The following BMP5 variants were observed in gnomAD, a reference collection of about 807,000 sequenced individuals.
BMP5 encodes the protein bone morphogenetic protein 5.
A neutral mutation model predicts 46.6 loss-of-function variants in BMP5; 23 were observed. That is an observed-to-expected ratio of 0.49 (90% CI 0.35 to 0.70). The LOEUF is 0.70. Ranked by LOEUF, BMP5 falls within the 30% of genes least tolerant of loss-of-function variation. The probability of loss-of-function intolerance (pLI) is 0.00; values close to 1 mark genes in which losing one functional copy is unlikely to be tolerated. For missense variants in BMP5, 545 were observed against 565.6 expected (o/e 0.96, Z 0.37); for synonymous variants, 204 against 191.9 (o/e 1.06, Z -0.52).
intron 4 of BMP5, among the ~76,000 whole-genome samples, chr6:55,773,208 T>A (rs1361413327): frequency 6.6e-6 from 1 of 151,954 alleles, no homozygotes; most frequent in African/African-American, 2.4e-5. Flanking sequence ...AATAGATAAG[T>A]ATGTGATACT....
chr6:55,826,738 TTAA>T (rs1349125384), intron 1 of BMP5, among the ~76,000 whole-genome samples: 1 of 150,552 alleles, frequency 6.6e-6, no homozygotes, highest in Non-Finnish European at 1.5e-5. Context: ...AATGAAGGAG[TTAA>T]TATAATTAAT....
At chr6:55,783,689 A>G (rs575647097) in intron 3 of BMP5, among the ~76,000 whole-genome samples, 194 of 152,130 alleles carry the variant, frequency 1.3e-3, no homozygotes, top group African/African-American at 4.6e-3. Context: ...CTAAATTGAT[A>G]TTACCATGAA....
At chr6:55,851,515 C>A (rs558322508) in intron 1 of BMP5, among the ~76,000 whole-genome samples, 2 of 152,270 alleles carry the variant, frequency 1.3e-5, no homozygotes, top group South Asian at 2.1e-4. Context: ...GGAAAGCTGG[C>A]TTCCACCCCA....
intron 1 of BMP5, among the ~76,000 whole-genome samples, chr6:55,854,180 T>A (rs1777327549): frequency 6.6e-6 from 1 of 152,102 alleles, no homozygotes; most frequent in African/African-American, 2.4e-5. Flanking sequence ...GTTGTGTGCA[T>A]GAAAAAACTT....
At chr6:55,873,157 T>C (rs1215452648) in intron 1 of BMP5, among the ~76,000 whole-genome samples, 1 of 151,904 alleles carries the variant, frequency 6.6e-6, no homozygotes, top group Non-Finnish European at 1.5e-5. Context: ...TTAAGCAACA[T>C]ATATTATAAA....
chr6:55,818,390 T>A (rs1352057199), intron 2 of BMP5, among the ~76,000 whole-genome samples: 1 of 152,122 alleles, frequency 6.6e-6, no homozygotes, highest in African/African-American at 2.4e-5. Flanking sequence ...ATATAATCAC[T>A]GTTTTGTTTT....
chr6:55,807,587 G>A (rs1249147459), intron 2 of BMP5, among the ~76,000 whole-genome samples: 2 of 152,056 alleles, frequency 1.3e-5, no homozygotes, highest in Admixed American at 6.6e-5. Context: ...TAAAAGGAAG[G>A]AAGGACTCAT....
At chr6:55,793,960 A>G (rs919730229) in intron 3 of BMP5, among the ~76,000 whole-genome samples, 4 of 152,170 alleles carry the variant, frequency 2.6e-5, no homozygotes, top group Admixed American at 1.3e-4. Context: ...CCACAACTAT[A>G]TTATTTTGGT....
chr6:55,804,299 C>T (rs1386662430), intron 2 of BMP5, among the ~76,000 whole-genome samples: 1 of 152,098 alleles, frequency 6.6e-6, no homozygotes, highest in African/African-American at 2.4e-5. Flanking sequence ...AAGAGAGCCA[C>T]ATGAAGATGG....
chr6:55,789,897 C>A (rs1775536060), intron 3 of BMP5, among the ~76,000 whole-genome samples: 1 of 152,062 alleles, frequency 6.6e-6, no homozygotes, highest in Admixed American at 6.6e-5. Context: ...ATAAAATATT[C>A]TTGAACTCTC....
At chr6:55,829,044 G>A in intron 1 of BMP5, among the ~76,000 whole-genome samples, 1 of 151,776 alleles carries the variant, frequency 6.6e-6, no homozygotes, top group Non-Finnish European at 1.5e-5. Flanking sequence ...AGACACATTA[G>A]TTTTACAGGT....
At chr6:55,775,959 T>A (rs1775164170) in intron 3 of BMP5, among the ~76,000 whole-genome samples, 2 of 149,716 alleles carry the variant, frequency 1.3e-5, no homozygotes, top group Non-Finnish European at 3.0e-5. Flanking sequence ...ACAGCATAGG[T>A]ATCCTCCACA....
intron 2 of BMP5, among the ~76,000 whole-genome samples, chr6:55,801,072 C>CT (rs1275931938): frequency 6.6e-6 from 1 of 152,154 alleles, no homozygotes; most frequent in Non-Finnish European, 1.5e-5. Context: ...CATTTATTCA[C>CT]TTTTTCAATT....
chr6:55,868,215 T>G (rs1777696578), intron 1 of BMP5, among the ~76,000 whole-genome samples: 1 of 152,198 alleles, frequency 6.6e-6, no homozygotes, highest in Non-Finnish European at 1.5e-5. Flanking sequence ...CTGTTGATCC[T>G]GACATTTTAA....
chr6:55,870,082 G>T (rs1397706714), intron 1 of BMP5, among the ~76,000 whole-genome samples: 1 of 151,814 alleles, frequency 6.6e-6, no homozygotes, highest in African/African-American at 2.4e-5. Flanking sequence ...TACAGAAAAT[G>T]GAAGAATGAA....
intron 4 of BMP5, among the ~76,000 whole-genome samples, chr6:55,763,139 T>C (rs1342091546): frequency 3.9e-5 from 6 of 152,158 alleles, no homozygotes; most frequent in Non-Finnish European, 7.4e-5. Context: ...GGAATATTTA[T>C]CTATTCATCT....
Position 55,823,528 on chromosome 6 carries a change from T to C in BMP5, c.491-3681A>G, listed in dbSNP as rs190438045. ...GTGACCCTACTTAAGTCCACTAGTT[T>C]TATAACTTGTCAAAGAGCCCAAAAC... On this transcript the variant is annotated intron_variant, in intron 1 of 6. Transcript: ENST00000370830. Among the ~76,000 whole-genome samples, 11 of 152,144 alleles carry C rather than the reference T, an allele frequency of 7.2e-5. No homozygotes were observed. In the East Asian group the frequency reaches 1.9e-3, roughly 27 times the overall value.
intron 5 of BMP5, among the ~76,000 whole-genome samples, chr6:55,759,755 G>T (rs575881670): frequency 6.6e-6 from 1 of 151,820 alleles, no homozygotes; most frequent in African/African-American, 2.4e-5. Context: ...ATGAATGGTT[G>T]CCTTGATATT....
intron 4 of BMP5, among the ~76,000 whole-genome samples, chr6:55,764,584 A>G (rs1332090036): frequency 1.3e-5 from 2 of 149,334 alleles, no homozygotes; most frequent in Admixed American, 6.7e-5. Flanking sequence ...AAAAAAAAAA[A>G]AAAGAAAAAA....
Sources: gnomAD v4.1 joint callset for allele counts (sites outside exome capture counted in the v4.1 genomes callset) on GRCh38, gnomAD v4.1.1 for gene constraint, MANE v1.5 for transcripts, NCBI Gene and HGNC (gene_info 2026-07-23, HGNC 2026-07-21) for gene names.